The following TRPC4 variants were observed in gnomAD, a reference collection of about 807,000 sequenced individuals.
The protein encoded by TRPC4 is short transient receptor potential channel 4.
Under a neutral mutation model 99.4 loss-of-function variants are expected in TRPC4, and 49 were observed. The observed-to-expected ratio is 0.49, with a 90% CI of 0.39 to 0.63. TRPC4 has a LOEUF of 0.63. TRPC4 is among the 20% of genes least tolerant of loss of function. The pLI is 0.00. For missense variants in TRPC4, 898 were observed against 1,152.9 expected (o/e 0.78, Z 3.20); for synonymous variants, 454 against 425.9 (o/e 1.07, Z -0.81).
At position 37,734,975 on chromosome 13, in the gene TRPC4, G is replaced by A. The variant is rs1955352389; in HGVS notation, c.897+10962C>T. ...CCAAAGGAGAAAGGGAATAGGGTGT[G>A]AAACAAAAACCACAGAGCTATGTGA... is the stretch of plus-strand genomic sequence containing the variant. On this transcript the variant is annotated intron_variant, in intron 3 of 10. Transcript: ENST00000379705. 2.6e-5 allele frequency among the ~76,000 whole-genome samples: 4 copies of A among 152,136 alleles called. No individual in the cohort carries two copies. The South Asian group carries it at 8.3e-4, about 32-fold the overall frequency.
At chr13:37,782,151 T>C (rs887334812) in intron 2 of TRPC4, among the ~76,000 whole-genome samples, 2 of 151,936 alleles carry the variant, frequency 1.3e-5, no homozygotes, top group African/African-American at 4.8e-5. Flanking sequence ...AAGGATCAAA[T>C]AGATAATTCA....
intron 1 of TRPC4, among the ~76,000 whole-genome samples, chr13:37,802,384 A>G (rs1476243819): frequency 1.3e-5 from 2 of 151,960 alleles, no homozygotes; most frequent in African/African-American, 4.8e-5. Context: ...ATATTCTCCA[A>G]TTTTGTGACA....
rs147683390 is a variant in TRPC4 at position 37,806,568 on chromosome 13, G to A, written c.-27-23208C>T. ...AGTTGCAACCATATATGCTGGGCAT[G>A]TAGAACTCAAATAATCACTAACTCC... On this transcript the variant is annotated intron_variant, in intron 1 of 10. Coordinates refer to ENST00000379705, the MANE Select transcript of TRPC4 (RefSeq NM_016179.4). 4.5e-4 allele frequency among the ~76,000 whole-genome samples: 68 copies of A among 152,176 alleles called. No individual in the cohort carries two copies. In the East Asian group the frequency reaches 0.012, roughly 27 times the overall value.
intron 2 of TRPC4, among the ~76,000 whole-genome samples, chr13:37,766,433 C>T (rs1349104663): frequency 6.6e-6 from 1 of 151,232 alleles, no homozygotes; most frequent in African/African-American, 2.4e-5. Context: ...AAAATTGGCT[C>T]TCAGGGATTT....
chr13:37,815,321 G>C (rs1380648361), intron 1 of TRPC4, among the ~76,000 whole-genome samples: 1 of 151,602 alleles, frequency 6.6e-6, no homozygotes, highest in East Asian at 1.9e-4. Flanking sequence ...AGGCAAAGAG[G>C]GGTAAGTTAG....
At chr13:37,786,696 C>G (rs1259073417) in intron 1 of TRPC4, among the ~76,000 whole-genome samples, 1 of 151,944 alleles carries the variant, frequency 6.6e-6, no homozygotes, top group Non-Finnish European at 1.5e-5. Context: ...TTAGAATAAA[C>G]TTTGGAGGGG....
intron 3 of TRPC4, among the ~76,000 whole-genome samples, chr13:37,729,421 G>C (rs1357759849): frequency 7.6e-6 from 1 of 131,666 alleles, no homozygotes; most frequent in Admixed American, 7.9e-5. Context: ...AACACTTGTG[G>C]AGGTTTCTCA....
At chr13:37,721,471 G>A (rs1954864967) in intron 3 of TRPC4, among the ~76,000 whole-genome samples, 1 of 152,078 alleles carries the variant, frequency 6.6e-6, no homozygotes, top group East Asian at 1.9e-4. Flanking sequence ...GCCATTTTTA[G>A]TAGAATATTG....
chr13:37,802,389 G>A (rs867694001), intron 1 of TRPC4, among the ~76,000 whole-genome samples: 71 of 152,120 alleles, frequency 4.7e-4, no homozygotes, highest in African/African-American at 1.7e-3. Flanking sequence ...CTCCAATTTT[G>A]TGACAATGTC....
intron 8 of TRPC4, among the ~76,000 whole-genome samples, chr13:37,644,549 C>T (rs1951811600): frequency 6.6e-6 from 1 of 152,030 alleles, no homozygotes; most frequent in African/African-American, 2.4e-5. Flanking sequence ...AGTGAATGAG[C>T]TCAAGTGTAC....
At chr13:37,813,603 T>A (rs1007045766) in intron 1 of TRPC4, among the ~76,000 whole-genome samples, 1 of 151,900 alleles carries the variant, frequency 6.6e-6, no homozygotes, top group African/African-American at 2.4e-5. Flanking sequence ...TACAACTGTA[T>A]GCCAACAAAT....
Position 37,829,506 on chromosome 13 carries a change from T to C in TRPC4, c.-28+40089A>G, listed in dbSNP as rs948182549. Among the ~76,000 whole-genome samples, 13 of 152,214 alleles carry C rather than the reference T, an allele frequency of 8.5e-5. No homozygotes were observed. In the Middle Eastern group the frequency reaches 0.01, roughly 119 times the overall value. The stretch of plus-strand genomic sequence containing the variant: ...AAGTGTTGGTAAGGACGAGGCGAAA[T>C]GGGAATCTTTGTGCATTGCTGGTTG... On this transcript the variant is annotated intron_variant, in intron 1 of 10. Coordinates refer to ENST00000379705, the MANE Select transcript of TRPC4 (RefSeq NM_016179.4).
rs138509284 is a variant in TRPC4, at chr13:37,822,151, C to T, written c.-27-38791G>A. 4.9e-3 allele frequency among the ~76,000 whole-genome samples: 749 copies of T among 152,080 alleles called. 6 individuals carry two copies. The highest frequency in any genetic ancestry group is 0.016 in the African/African-American group (682 of 41,510). ...CCATTAAAAAGTGGACATGAACAGA[C>T]ACTTTTCCAAAGAAGACATACACAA... On this transcript the variant is annotated intron_variant, in intron 1 of 10. Coordinates refer to ENST00000379705, the MANE Select transcript of TRPC4 (RefSeq NM_016179.4).
At chr13:37,737,764 C>G (rs1339145294) in intron 3 of TRPC4, among the ~76,000 whole-genome samples, 1 of 152,134 alleles carries the variant, frequency 6.6e-6, no homozygotes, top group Non-Finnish European at 1.5e-5. Context: ...AAGGAGCCAC[C>G]ACAACCAATT....
intron 3 of TRPC4, 44 bp downstream of exon 3, chr13:37,745,893 T>C: frequency 6.4e-7 from 1 of 1,565,624 alleles, no homozygotes; most frequent in African/African-American, 1.4e-5. Context: ...TCACTGTGAT[T>C]AAACTCTATG....
intron 2 of TRPC4, among the ~76,000 whole-genome samples, chr13:37,758,591 C>A (rs935304457): frequency 6.6e-6 from 1 of 151,624 alleles, no homozygotes; most frequent in African/African-American, 2.4e-5. Flanking sequence ...ACAAGACAAC[C>A]TGTTCCTGTT....
At chr13:37,652,493 A>G (rs1952080290) in intron 7 of TRPC4, among the ~76,000 whole-genome samples, 1 of 152,220 alleles carries the variant, frequency 6.6e-6, no homozygotes, top group Admixed American at 6.5e-5. Flanking sequence ...TAGAGAATGC[A>G]TGGCCTTATT....
At chr13:37,688,256 C>G (rs966399842) in intron 4 of TRPC4, among the ~76,000 whole-genome samples, 1 of 152,148 alleles carries the variant, frequency 6.6e-6, no homozygotes, top group Non-Finnish European at 1.5e-5. Context: ...CGATTATGAA[C>G]TGCTTTCTAA....
At chr13:37,736,629 TG>T (rs1955402268) in intron 3 of TRPC4, among the ~76,000 whole-genome samples, 2 of 152,184 alleles carry the variant, frequency 1.3e-5, no homozygotes, top group South Asian at 4.1e-4. Flanking sequence ...TATTAGGGGC[TG>T]GGATGAATGT....
Sources: gnomAD v4.1 joint callset for allele counts (sites outside exome capture counted in the v4.1 genomes callset) on GRCh38, gnomAD v4.1.1 for gene constraint, MANE v1.5 for transcripts, NCBI Gene and HGNC (gene_info 2026-07-23, HGNC 2026-07-21) for gene names.